The following ROBO2 variants were observed in gnomAD, a reference collection of about 807,000 sequenced individuals.
ROBO2 encodes roundabout guidance receptor 2.
Under a neutral mutation model 160.8 loss-of-function variants are expected in ROBO2, and 53 were observed. That is an observed-to-expected ratio of 0.33 (90% CI 0.26 to 0.41). The LOEUF (loss-of-function observed/expected upper bound fraction) is 0.41. Ranked by LOEUF, ROBO2 falls within the 10% of genes least tolerant of loss-of-function variation. The pLI is 1.00. For missense variants in ROBO2, 1,577 were observed against 1,722.4 expected (o/e 0.92, Z 1.49); for synonymous variants, 664 against 611.7 (o/e 1.09, Z -1.26).
chr3:76,820,286 C>T (rs1364514175), intron 2 of ROBO2, among the ~76,000 whole-genome samples: 1 of 151,920 alleles, frequency 6.6e-6, no homozygotes, highest in Admixed American at 6.6e-5. Flanking sequence ...AAAGAGGATA[C>T]AACTTATAAA....
intron 2 of ROBO2, among the ~76,000 whole-genome samples, chr3:77,183,414 T>G (rs758065820): frequency 6.6e-6 from 1 of 151,946 alleles, no homozygotes; most frequent in Non-Finnish European, 1.5e-5. Flanking sequence ...TTTAGAGAAG[T>G]AATTAAGTTA....
At chr3:76,500,151 A>G (rs1433154711) in intron 2 of ROBO2, among the ~76,000 whole-genome samples, 1 of 152,106 alleles carries the variant, frequency 6.6e-6, no homozygotes, top group Non-Finnish European at 1.5e-5. Flanking sequence ...GATAATCTCA[A>G]TCTGTCACCC....
chr3:76,848,096 C>A (rs1051210464), intron 2 of ROBO2, among the ~76,000 whole-genome samples: 1 of 151,932 alleles, frequency 6.6e-6, no homozygotes, highest in African/African-American at 2.4e-5. Context: ...GAAAAAAACA[C>A]CTCATCTCTT....
intron 2 of ROBO2, among the ~76,000 whole-genome samples, chr3:76,164,701 A>G (rs757876282): frequency 3.9e-4 from 60 of 152,292 alleles, no homozygotes; most frequent in Admixed American, 5.9e-4. Context: ...CAGATATACC[A>G]TCATCCAGGC....
chr3:77,355,869 G>A (rs1403781484), intron 2 of ROBO2, among the ~76,000 whole-genome samples: 3 of 150,958 alleles, frequency 2.0e-5, no homozygotes, highest in Non-Finnish European at 4.4e-5. Context: ...ATATAACCAA[G>A]TATTGATGTA....
At chr3:77,150,481 GAAAGTTAGCAC>G (rs2077460911) in intron 2 of ROBO2, among the ~76,000 whole-genome samples, 1 of 152,184 alleles carries the variant, frequency 6.6e-6, no homozygotes, top group Non-Finnish European at 1.5e-5. Flanking sequence ...GAAAACCTCT[GAAAGTTAGCAC>G]AAACATATGT....
chr3:76,049,403 A>ATATATATATATTTTTTTTTTTT (rs1414664360), intron 2 of ROBO2, among the ~76,000 whole-genome samples: 1 of 53,762 alleles, frequency 1.9e-5, no homozygotes, highest in African/African-American at 1.5e-4. Context: ...ATATATATAT[A>ATATATATATATTTTTTTTTTTT]TTTTTTTTTT....
At chr3:77,286,156 A>G (rs1396020568) in intron 2 of ROBO2, among the ~76,000 whole-genome samples, 2 of 152,214 alleles carry the variant, frequency 1.3e-5, no homozygotes, top group Admixed American at 6.5e-5. Context: ...CTCTATTTCC[A>G]TAAGTGAATC....
chr3:77,221,453 C>G (rs2085778293), intron 2 of ROBO2, among the ~76,000 whole-genome samples: 1 of 152,136 alleles, frequency 6.6e-6, no homozygotes, highest in African/African-American at 2.4e-5. Context: ...AAGAAGGAAG[C>G]AGAGGCTAAT....
chr3:76,151,318 T>C (rs563006579), intron 2 of ROBO2, among the ~76,000 whole-genome samples: 10 of 152,270 alleles, frequency 6.6e-5, no homozygotes, highest in African/African-American at 2.4e-4. Context: ...CCCTTGTTTT[T>C]TCTTTCCCCT....
At chr3:77,136,894 C>T (rs1579299292) in intron 2 of ROBO2, among the ~76,000 whole-genome samples, 1 of 152,126 alleles carries the variant, frequency 6.6e-6, no homozygotes, top group African/African-American at 2.4e-5. Context: ...CTCGGCCTTC[C>T]AAAGTGCTGG....
At chr3:76,133,567 C>T (rs1343685323) in intron 2 of ROBO2, among the ~76,000 whole-genome samples, 1 of 152,028 alleles carries the variant, frequency 6.6e-6, no homozygotes, top group African/African-American at 2.4e-5. Context: ...CAGTCTGAGT[C>T]CCAAACCACA....
intron 2 of ROBO2, among the ~76,000 whole-genome samples, chr3:76,573,442 C>A (rs1022667074): frequency 3.3e-5 from 5 of 151,776 alleles, no homozygotes; most frequent in Non-Finnish European, 4.4e-5. Context: ...CGATTAGAAC[C>A]ATACTGTAAA....
rs548154453 is a variant in ROBO2 at position 76,825,758 on chromosome 3, G to A, written c.110-272256G>A. On this transcript the variant is annotated intron_variant, in intron 2 of 26. Transcript: ENST00000487694. ...TAGTGAGAAAACGAAAACCAAAGCT[G>A]CAGATGTGGCTCCTTTGGAAGGCAA... 4.6e-5 allele frequency among the ~76,000 whole-genome samples: 7 copies of A among 152,044 alleles called. No homozygotes were observed. In the South Asian group the frequency reaches 1.0e-3, roughly 23 times the overall value.
chr3:76,624,937 A>G lies in ROBO2; in HGVS notation c.110-473077A>G, dbSNP rs117047072. Among the ~76,000 whole-genome samples, 135 of 151,678 alleles carry G rather than the reference A, an allele frequency of 8.9e-4. 2 individuals are homozygous for G. In the East Asian group the frequency reaches 0.017, roughly 20 times the overall value. On this transcript the variant is annotated intron_variant, in intron 2 of 26. Coordinates refer to the ROBO2 transcript ENST00000487694. ...TGACTAAATAAATAGTAAGTCTTAT[A>G]AATTGTAATATTTGGGGGTTTAGCC... is the stretch of plus-strand genomic sequence containing the variant.
intron 2 of ROBO2, among the ~76,000 whole-genome samples, chr3:77,396,654 C>T (rs142022083): frequency 5.3e-5 from 8 of 152,262 alleles, no homozygotes; most frequent in Middle Eastern, 3.4e-3. Flanking sequence ...TAGACCCTGT[C>T]ATGGTTAGAT....
At chr3:76,577,234 TA>T (rs1425764031) in intron 2 of ROBO2, among the ~76,000 whole-genome samples, 1 of 152,118 alleles carries the variant, frequency 6.6e-6, no homozygotes, top group African/African-American at 2.4e-5. Flanking sequence ...TCTCATTTTT[TA>T]GGAAATAATA....
At chr3:77,536,784 G>A (rs1281337575) in intron 6 of ROBO2, among the ~76,000 whole-genome samples, 2 of 152,036 alleles carry the variant, frequency 1.3e-5, no homozygotes, top group East Asian at 3.9e-4. Context: ...TATTACTGTG[G>A]TACGTTCCAG....
chr3:77,053,001 C>G (rs1258222709), intron 1 of ROBO2, among the ~76,000 whole-genome samples: 2 of 152,146 alleles, frequency 1.3e-5, no homozygotes, highest in Non-Finnish European at 2.9e-5. Flanking sequence ...ATGTTTGTAT[C>G]TATAGGCTGG....
Sources: allele counts gnomAD v4.1 joint callset (sites outside exome capture counted in the v4.1 genomes callset), GRCh38; gene constraint gnomAD v4.1.1; transcripts MANE v1.5; gene names NCBI Gene and HGNC (gene_info 2026-07-23, HGNC 2026-07-21).